Variants in FLACC1 observed in about 807,000 individuals in gnomAD.
FLACC1 encodes the protein flagellum associated containing coiled-coil domains 1.
FLACC1 carries 66 observed loss-of-function variants against 62.8 expected under a neutral mutation model. The ratio of observed to expected loss-of-function variants is 1.05; its 90% CI spans 0.86 to 1.29. The LOEUF is 1.29. FLACC1 is among the 50% of genes most tolerant of loss of function. The pLI is 0.00. For missense variants in FLACC1, 452 were observed against 489.1 expected (o/e 0.92, Z 0.71); for synonymous variants, 156 against 161.0 (o/e 0.97, Z 0.24).
chr2:201,300,454 G>A (rs1949956981), intron 11 of FLACC1, among the ~76,000 whole-genome samples: 2 of 152,208 alleles, frequency 1.3e-5, no homozygotes, highest in African/African-American at 4.8e-5. Context: ...GCCCACCACA[G>A]CTCAAGGAGG....
chr2:201,361,563 A>G (rs1418835636), upstream of FLACC1, among the ~76,000 whole-genome samples: 1 of 152,212 alleles, frequency 6.6e-6, no homozygotes, highest in Non-Finnish European at 1.5e-5. Flanking sequence ...ATGCATCCTG[A>G]GTACCCTTAC....
intron 7 of FLACC1, 146 bp from the exon 8 acceptor site, chr2:201,330,979 T>C (rs1950583346): frequency 1.7e-6 from 1 of 581,090 alleles, no homozygotes; most frequent in Admixed American, 3.7e-5. Flanking sequence ...ATCTTTTTTT[T>C]TTTTTTTTGA....
At chr2:201,322,133 G>T (rs1488000034) in intron 9 of FLACC1, among the ~76,000 whole-genome samples, 1 of 152,018 alleles carries the variant, frequency 6.6e-6, no homozygotes, top group Non-Finnish European at 1.5e-5. Flanking sequence ...GTTGGGTGTG[G>T]TGGCAGGCAC....
At chr2:201,337,723 A>T (rs1950723236) in intron 7 of FLACC1, among the ~76,000 whole-genome samples, 1 of 151,998 alleles carries the variant, frequency 6.6e-6, no homozygotes, top group Non-Finnish European at 1.5e-5. Flanking sequence ...GTGTCTCGCT[A>T]TGTTGTGCAG....
At chr2:201,318,101 T>C (rs968245483) in intron 9 of FLACC1, among the ~76,000 whole-genome samples, 1 of 152,204 alleles carries the variant, frequency 6.6e-6, no homozygotes, top group Non-Finnish European at 1.5e-5. Flanking sequence ...AAACTCAAGA[T>C]GGATCAAGGA....
chr2:201,302,714 A>G (rs1950011726), intron 11 of FLACC1, among the ~76,000 whole-genome samples: 1 of 152,220 alleles, frequency 6.6e-6, no homozygotes, highest in Non-Finnish European at 1.5e-5. Context: ...AAAAGAACAG[A>G]AATCACAACA....
intron 3 of FLACC1, 45 bp from the exon 4 acceptor site, chr2:201,348,347 G>A (rs1246953183): frequency 6.2e-7 from 1 of 1,600,414 alleles, no homozygotes; most frequent in African/African-American, 1.3e-5. Flanking sequence ...ACAGCAAAGA[G>A]AAGTTCAAAG....
At chr2:201,294,922 A>C (rs1340672548) in intron 12 of FLACC1, among the ~76,000 whole-genome samples, 1 of 152,232 alleles carries the variant, frequency 6.6e-6, no homozygotes. Flanking sequence ...CCCATTCACA[A>C]TTGCTTCAAA....
intron 12 of FLACC1, among the ~76,000 whole-genome samples, chr2:201,292,799 G>C (rs879371982): frequency 6.6e-6 from 1 of 152,124 alleles, no homozygotes; most frequent in African/African-American, 2.4e-5. Context: ...GAGACACACA[G>C]AGGCTCAAAA....
At chr2:201,303,982 G>T (rs6753887) in intron 11 of FLACC1, among the ~76,000 whole-genome samples, 51,005 of 152,036 alleles carry the variant, frequency 0.34, 10,128 homozygotes, top group East Asian at 0.48. Flanking sequence ...CATACTGAAT[G>T]GGCAAAAACT....
intron 7 of FLACC1, among the ~76,000 whole-genome samples, chr2:201,333,664 T>C (rs1204614773): frequency 6.6e-6 from 1 of 151,676 alleles, no homozygotes; most frequent in Non-Finnish European, 1.5e-5. Context: ...GTTTGGTTTT[T>C]TGTCCTTGCG....
At chr2:201,305,660 A>G (rs1950087742) in intron 11 of FLACC1, among the ~76,000 whole-genome samples, 2 of 152,228 alleles carry the variant, frequency 1.3e-5, no homozygotes, top group Admixed American at 1.3e-4. Context: ...CACTATTCAC[A>G]ATAGCAAAGA....
chr2:201,345,891 G>A (rs6720757), intron 5 of FLACC1, among the ~76,000 whole-genome samples: 4,268 of 152,266 alleles, frequency 0.028, 199 homozygotes, highest in African/African-American at 0.096. Flanking sequence ...GAGGCTGGGC[G>A]CAGTGGCTCA....
At chr2:201,345,468 G>A (rs1242543512) in intron 5 of FLACC1, among the ~76,000 whole-genome samples, 1 of 151,354 alleles carries the variant, frequency 6.6e-6, no homozygotes, top group Non-Finnish European at 1.5e-5. Flanking sequence ...GTGTGTGTGT[G>A]TGTGTGTGTG....
upstream of FLACC1, among the ~76,000 whole-genome samples, chr2:201,360,823 A>T (rs764918044): frequency 3.0e-4 from 46 of 152,342 alleles, no homozygotes; most frequent in Non-Finnish European, 4.6e-4. Flanking sequence ...CATGCCTGTA[A>T]TTCCAGCACT....
chr2:201,301,544 A>T (rs1198738812), intron 11 of FLACC1, among the ~76,000 whole-genome samples: 1 of 152,178 alleles, frequency 6.6e-6, no homozygotes, highest in African/African-American at 2.4e-5. Context: ...CAACCTAGCA[A>T]GGCAGGCCAA....
At chr2:201,345,486 A>G (rs570282527) in intron 5 of FLACC1, among the ~76,000 whole-genome samples, 1,791 of 118,480 alleles carry the variant, frequency 0.015, 21 homozygotes, top group African/African-American at 0.038. Context: ...GTGTGTGTGT[A>G]TGTGTGTGTG....
At chr2:201,330,617 C>G (rs938516680) in intron 8 of FLACC1, 95 bp from the exon 9 acceptor site, 12 of 1,524,290 alleles carry the variant, frequency 7.9e-6, no homozygotes, top group Non-Finnish European at 1.1e-5. Flanking sequence ...TTCCCCACCC[C>G]AAACTCATCA....
At chr2:201,306,766 T>C (rs1012855350) in intron 11 of FLACC1, among the ~76,000 whole-genome samples, 45 of 151,650 alleles carry the variant, frequency 3.0e-4, no homozygotes, top group African/African-American at 1.1e-3. Flanking sequence ...ACAGACAATA[T>C]TTACAACATG....
Sources: gnomAD v4.1 joint callset for allele counts (sites outside exome capture counted in the v4.1 genomes callset) on GRCh38, gnomAD v4.1.1 for gene constraint, MANE v1.5 for transcripts, NCBI Gene and HGNC (gene_info 2026-07-23, HGNC 2026-07-21) for gene names.